PRKCQ: variants seen among roughly 807,000 people sequenced by gnomAD.
PRKCQ encodes protein kinase C theta type.
PRKCQ carries 41 observed loss-of-function variants against 91.2 expected under a neutral mutation model. That is an observed-to-expected ratio of 0.45 (90% CI 0.35 to 0.58). PRKCQ has a LOEUF of 0.58. Ranked by LOEUF, PRKCQ falls within the 20% of genes least tolerant of loss-of-function variation. PRKCQ has a pLI of 0.00. For synonymous variants in PRKCQ, 307 were observed against 316.9 expected (o/e 0.97, Z 0.33); for missense variants, 673 against 896.5 (o/e 0.75, Z 3.18).
the PRKCQ span, among the ~76,000 whole-genome samples, chr10:6,417,793 T>C: frequency 6.6e-6 from 1 of 152,358 alleles, no homozygotes; most frequent in East Asian, 1.9e-4. Context: ...GTCCTTCCTG[T>C]CACTCCATGT....
intron 8 of PRKCQ, among the ~76,000 whole-genome samples, chr10:6,489,894 C>T (rs558960299): frequency 3.4e-4 from 52 of 152,032 alleles, no homozygotes; most frequent in Non-Finnish European, 7.1e-4. Context: ...TAAGCTGTGC[C>T]GCGGCGCTGC....
Position 6,576,047 on chromosome 10 carries a change from C to A in PRKCQ, c.-10+4164G>T, listed in dbSNP as rs1841222734. 6.6e-6 allele frequency among the ~76,000 whole-genome samples: 1 copy of A among 151,966 alleles called. No individual in the cohort carries two copies. Among genetic ancestry groups the A allele is most frequent in the Non-Finnish European group, 1.5e-5 (1 of 67,976 alleles). On this transcript the variant is annotated intron_variant, in intron 1 of 17. Coordinates refer to ENST00000263125, the MANE Select transcript of PRKCQ (RefSeq NM_006257.5). The surrounding 1 kb of genome is among the most constrained non-coding windows in gnomAD (Gnocchi z 4.2). The stretch of plus-strand genomic sequence containing the variant: ...CAGCGAGACTCCATCTCAAAAAACA[C>A]AAAACAAAAGACAGCGTTGCTGAGA...
chr10:6,525,220 C>T (rs1839156299), intron 1 of PRKCQ, among the ~76,000 whole-genome samples: 1 of 150,130 alleles, frequency 6.7e-6, no homozygotes, highest in Non-Finnish European at 1.5e-5. Flanking sequence ...TATTAAAACT[C>T]ATCAAATATC....
chr10:6,513,146 C>T (rs1012694992), intron 2 of PRKCQ, among the ~76,000 whole-genome samples: 3 of 152,176 alleles, frequency 2.0e-5, no homozygotes, highest in Admixed American at 6.5e-5. Flanking sequence ...ACCGTTTTAA[C>T]GACTCACAAC....
In PRKCQ at chr10:6,455,009, A is replaced by G. The variant is rs919533013; in HGVS notation, c.1647+1665T>C. 1.4e-4 allele frequency among the ~76,000 whole-genome samples: 21 copies of G among 152,326 alleles called. No homozygotes were observed. In the Middle Eastern group the frequency reaches 0.017, roughly 123 times the overall value. On this transcript the variant is annotated intron_variant, in intron 15 of 17. Transcript: ENST00000263125. ...CAAAATCTGTAGACAGGAATACATC[A>G]GAGTAAGGCAGCCACACCAAGGTGT...
At position 6,544,623 on chromosome 10, in the gene PRKCQ, A is replaced by G. The variant is rs568733794; in HGVS notation, c.-9-29479T>C. On this transcript the variant is annotated intron_variant, in intron 1 of 17. Coordinates refer to ENST00000263125, the MANE Select transcript of PRKCQ (RefSeq NM_006257.5). ...TAAGCAGTTGGAGATCCTACCCCAC[A>G]CTCTTTTTTTTTTTTTTTGAGGAGT... 2.1e-4 allele frequency among the ~76,000 whole-genome samples: 29 copies of G among 138,492 alleles called. No individual in the cohort carries two copies. In the South Asian group the frequency reaches 6.6e-3, roughly 31 times the overall value. 90.9% of individuals were successfully genotyped at this position (138,492 alleles called of 152,430 possible).
chr10:6,530,800 T>C (rs966510693), intron 1 of PRKCQ, among the ~76,000 whole-genome samples: 2 of 152,214 alleles, frequency 1.3e-5, no homozygotes, highest in Admixed American at 1.3e-4. Context: ...CTTAGGTTCC[T>C]AGGCCAGCCC....
At chr10:6,489,502 G>A (rs1477187273) in intron 8 of PRKCQ, 2 of 523,308 alleles carry the variant, frequency 3.8e-6, no homozygotes, top group East Asian at 5.5e-5. Flanking sequence ...AAAAGGCTAA[G>A]GAGGCCCTAC....
At chr10:6,516,787 A>G (rs2130872958) in intron 1 of PRKCQ, among the ~76,000 whole-genome samples, 1 of 152,230 alleles carries the variant, frequency 6.6e-6, no homozygotes, top group East Asian at 1.9e-4. Context: ...GTTTCTAATC[A>G]GGCAACAGTA....
At chr10:6,406,696 A>AATC in the PRKCQ span, among the ~76,000 whole-genome samples, 1 of 152,314 alleles carries the variant, frequency 6.6e-6, no homozygotes, top group East Asian at 1.9e-4. Flanking sequence ...ATCTTATGAT[A>AATC]ATATGTTCAT....
intron 12 of PRKCQ, among the ~76,000 whole-genome samples, chr10:6,477,922 GC>G (rs1377108368): frequency 6.6e-6 from 1 of 152,114 alleles, no homozygotes; most frequent in African/African-American, 2.4e-5. Flanking sequence ...AAATGGAAAA[GC>G]CTCCGCCCCT....
chr10:6,541,917 C>G (rs990181257), intron 1 of PRKCQ, among the ~76,000 whole-genome samples: 4 of 152,000 alleles, frequency 2.6e-5, no homozygotes, highest in Admixed American at 2.6e-4. Context: ...GATTTTTTTT[C>G]TTCTCTGTGG....
At chr10:6,463,632 A>G (rs1443783574) in intron 13 of PRKCQ, among the ~76,000 whole-genome samples, 1 of 152,214 alleles carries the variant, frequency 6.6e-6, no homozygotes, top group Non-Finnish European at 1.5e-5. Context: ...CAAAGTGTTC[A>G]TGCAGATGGG....
intron 1 of PRKCQ, among the ~76,000 whole-genome samples, chr10:6,543,006 C>A (rs895887899): frequency 1.3e-5 from 2 of 152,208 alleles, no homozygotes; most frequent in African/African-American, 4.8e-5. Flanking sequence ...CCTTTCCCTG[C>A]GTTGAGTCCT....
chr10:6,487,501 C>T (rs1836993919), intron 8 of PRKCQ, among the ~76,000 whole-genome samples: 1 of 152,118 alleles, frequency 6.6e-6, no homozygotes, highest in Non-Finnish European at 1.5e-5. Flanking sequence ...CAGCACTGGA[C>T]TCATGATCTA....
chr10:6,537,521 T>C (rs569740394), intron 1 of PRKCQ, among the ~76,000 whole-genome samples: 15 of 152,290 alleles, frequency 9.8e-5, no homozygotes, highest in East Asian at 1.9e-4. Context: ...CCTGAGGACA[T>C]TGCACTGCCC....
intron 4 of PRKCQ, among the ~76,000 whole-genome samples, chr10:6,499,476 C>G (rs184791599): frequency 9.9e-5 from 15 of 152,176 alleles, no homozygotes; most frequent in African/African-American, 3.6e-4. Flanking sequence ...GGTTAAACAG[C>G]ACAGTGGACA....
At chr10:6,500,383 A>C (rs1028456577) in intron 4 of PRKCQ, among the ~76,000 whole-genome samples, 12 of 151,710 alleles carry the variant, frequency 7.9e-5, no homozygotes, top group Non-Finnish European at 1.5e-4. Context: ...GTTTATATGT[A>C]TATTAAACAT....
intron 1 of PRKCQ, among the ~76,000 whole-genome samples, chr10:6,553,144 A>G (rs1840254673): frequency 6.6e-6 from 1 of 152,224 alleles, no homozygotes; most frequent in Admixed American, 6.5e-5. Flanking sequence ...AATAGACCTC[A>G]GTAATACTGT....
Sources: gnomAD v4.1 joint callset for allele counts (sites outside exome capture counted in the v4.1 genomes callset) on GRCh38, gnomAD v4.1.1 for gene constraint, Gnocchi (gnomAD v3.1) non-coding constraint, MANE v1.5 for transcripts, NCBI Gene and HGNC (gene_info 2026-07-23, HGNC 2026-07-21) for gene names.